The following TJP1 variants were observed in gnomAD, a reference collection of about 807,000 sequenced individuals.
TJP1 encodes tight junction protein 1, also known as tight junction protein ZO-1.
TJP1 carries 43 observed loss-of-function variants against 194.2 expected under a neutral mutation model. That is an observed-to-expected ratio of 0.22 (90% CI 0.17 to 0.29). The LOEUF is 0.29. Among genes scored for constraint, TJP1 ranks in the 10% least tolerant of loss-of-function variants. The probability of loss-of-function intolerance (pLI) is 1.00; values close to 1 mark genes in which losing one functional copy is unlikely to be tolerated. For missense variants in TJP1, 1,971 were observed against 2,185.7 expected (o/e 0.90, Z 1.96); for synonymous variants, 801 against 779.0 (o/e 1.03, Z -0.47).
intron 2 of TJP1, among the ~76,000 whole-genome samples, chr15:29,904,046 C>A (rs2053723362): frequency 6.6e-6 from 1 of 152,150 alleles, no homozygotes; most frequent in African/African-American, 2.4e-5. Flanking sequence ...AAACTTACTT[C>A]ACCAGCTGAA....
intron 23 of TJP1, among the ~76,000 whole-genome samples, chr15:29,716,075 A>T (rs4780257): frequency 0.36 from 54,731 of 151,996 alleles, 11,477 homozygotes; most frequent in East Asian, 0.7. Flanking sequence ...GGATGAGTAA[A>T]CGGAGGGGAG....
intron 2 of TJP1, among the ~76,000 whole-genome samples, chr15:29,843,061 T>A (rs2051283362): frequency 6.6e-6 from 1 of 152,210 alleles, no homozygotes; most frequent in Admixed American, 6.5e-5. Flanking sequence ...CTAAAAAATA[T>A]GAGTAAAAAT....
At position 29,766,416 on chromosome 15, in the gene TJP1, C is replaced by T; in HGVS notation, c.439G>A (p.Val147Ile). Residue 147 changes from valine (V) to isoleucine (I), a missense_variant, in exon 5 of 28, where the codon GTT (valine) becomes ATT (isoleucine). Transcript: ENST00000614355. ...HDPRSGRSGVVNRRSEKIWPR... is the reference protein window; with the variant it reads ...HDPRSGRSGVINRRSEKIWPR... The stretch of plus-strand genomic sequence containing the variant: ...CAAATCTTCTCACTCCTTCTGTTAA[C>T]CACACCACTCCGGCCACTTCTTGGA... 6.2e-7 allele frequency: 1 copy of T among 1,614,180 alleles called. No homozygotes were observed.
intron 15 of TJP1, chr15:29,728,444 T>C: frequency 6.2e-6 from 1 of 161,654 alleles, no homozygotes; most frequent in South Asian, 1.7e-4. Context: ...AAGAGGTCAA[T>C]ACCTTGGCAT....
At chr15:29,875,811 G>A (rs867176530) in intron 2 of TJP1, among the ~76,000 whole-genome samples, 9 of 152,040 alleles carry the variant, frequency 5.9e-5, no homozygotes, top group Admixed American at 2.0e-4. Context: ...TGATCTGCCC[G>A]CCTCGGCCTC....
In TJP1 at chr15:29,822,401, G is replaced by C. The variant is rs2050460306; in HGVS notation, c.-373C>G. 2.0e-6 allele frequency: 2 copies of C among 998,676 alleles called. No homozygotes were observed. The highest frequency in any genetic ancestry group is 9.3e-5 in the South Asian group (2 of 21,406). 61.9% of individuals were successfully genotyped at this position (998,676 alleles called of 1,614,324 possible). ...AGCCGGCTTCGCCACGTAACTTCCC[G>C]GGAACCGGCGGCCGCCAAGGAACGC... is the stretch of plus-strand genomic sequence containing the variant. On this transcript the variant is annotated 5_prime_UTR_variant, in exon 1 of 28. Transcript: ENST00000614355.
intron 1 of TJP1, among the ~76,000 whole-genome samples, chr15:29,960,363 T>C (rs1175526474): frequency 8.2e-6 from 1 of 122,480 alleles, no homozygotes; most frequent in Non-Finnish European, 1.7e-5. Context: ...AGGATCATAA[T>C]AAAAACATGC....
intron 10 of TJP1, among the ~76,000 whole-genome samples, chr15:29,738,836 T>C (rs1370065823): frequency 8.7e-6 from 1 of 115,340 alleles, no homozygotes; most frequent in Non-Finnish European, 1.6e-5. Context: ...TTCCCAGCCC[T>C]GATCAACACA....
intron 1 of TJP1, among the ~76,000 whole-genome samples, chr15:29,819,822 TATTTATTTCTAGGTAGTCTTTTTAGAG>T (rs1262338658): frequency 2.6e-5 from 4 of 152,232 alleles, no homozygotes; most frequent in Non-Finnish European, 4.4e-5. Context: ...ATATTTGTTA[TATTTATTTCTAGGTAGTCTTTTTAGAG>T]AAACATTTAG....
chr15:29,870,411 T>G (rs566913830), intron 2 of TJP1, among the ~76,000 whole-genome samples: 3 of 152,276 alleles, frequency 2.0e-5, no homozygotes, highest in Non-Finnish European at 2.9e-5. Context: ...CAAAATTATC[T>G]TATAATACAC....
chr15:29,866,073 C>G (rs891168915), intron 2 of TJP1, among the ~76,000 whole-genome samples: 5 of 152,202 alleles, frequency 3.3e-5, no homozygotes, highest in African/African-American at 1.2e-4. Flanking sequence ...CTGACATAAA[C>G]TTTGATGTAA....
chr15:29,856,359 C>T (rs935335542), intron 2 of TJP1, among the ~76,000 whole-genome samples: 3 of 152,092 alleles, frequency 2.0e-5, no homozygotes, highest in Non-Finnish European at 2.9e-5. Flanking sequence ...ACACAAGAGA[C>T]CATATATTGC....
intron 4 of TJP1, among the ~76,000 whole-genome samples, chr15:29,770,374 G>A (rs563333305): frequency 2.9e-4 from 44 of 152,020 alleles, no homozygotes; most frequent in African/African-American, 1.0e-3. Flanking sequence ...CGGAGGTTGC[G>A]GTGAGCCAAG....
chr15:29,949,527 C>G (rs2055501016), intron 2 of TJP1, among the ~76,000 whole-genome samples: 2 of 145,184 alleles, frequency 1.4e-5, no homozygotes. Context: ...TCCACCACCA[C>G]CACCTCCACC....
chr15:29,961,500 T>C (rs2056162226), intron 1 of TJP1, among the ~76,000 whole-genome samples: 1 of 152,128 alleles, frequency 6.6e-6, no homozygotes, highest in Non-Finnish European at 1.5e-5. Flanking sequence ...CTTAATTCCA[T>C]TTTATCCTCC....
At chr15:29,833,652 CA>C (rs1407108345) in intron 2 of TJP1, among the ~76,000 whole-genome samples, 5 of 151,538 alleles carry the variant, frequency 3.3e-5, no homozygotes, top group African/African-American at 7.3e-5. Context: ...TCTAACCTCC[CA>C]AAATTGCTAG....
chr15:29,931,702 C>A (rs2054720197), intron 2 of TJP1, among the ~76,000 whole-genome samples: 3 of 152,148 alleles, frequency 2.0e-5, no homozygotes, highest in Admixed American at 2.0e-4. Context: ...GAGTCCCGAT[C>A]CAGACCCCAA....
At chr15:29,872,120 G>T (rs2052547489) in intron 2 of TJP1, among the ~76,000 whole-genome samples, 2 of 152,162 alleles carry the variant, frequency 1.3e-5, no homozygotes. Context: ...AGGCCTATGA[G>T]GCTGTCAGCT....
Position 29,733,168 on chromosome 15 carries a change from C to T in TJP1, c.1662G>A (p.Leu554=). 1.9e-6 allele frequency: 3 copies of T among 1,614,106 alleles called. No homozygotes were observed. The highest frequency in any genetic ancestry group is 2.5e-6 in the Non-Finnish European group (3 of 1,180,004). The change falls in exon 13 of 28, where the codon CTG becomes CTA. Residue 554 remains leucine (L), a synonymous_variant. Coordinates refer to ENST00000614355, the MANE Select transcript of TJP1 (RefSeq NM_001330239.4). ...CAATTCGAATAGCAAGCCAAGAGCCCAGTTTTCCATTGTACAAGGTATCCA... is the reference window on the plus strand; with the variant it reads ...CAATTCGAATAGCAAGCCAAGAGCCTAGTTTTCCATTGTACAAGGTATCCA... ...RVVDTLYNGK[L]GSWLAIRIGK...
Sources: gnomAD v4.1 joint callset for allele counts (sites outside exome capture counted in the v4.1 genomes callset) on GRCh38, gnomAD v4.1.1 for gene constraint, MANE v1.5 for transcripts, NCBI Gene and HGNC (gene_info 2026-07-23, HGNC 2026-07-21) for gene names.